Variants in MARCHF1 observed in about 807,000 individuals in gnomAD.
The protein encoded by MARCHF1 is E3 ubiquitin-protein ligase MARCHF1.
In MARCHF1, 40 loss-of-function variants were observed where a neutral mutation model predicts 54.2. That is an observed-to-expected ratio of 0.74 (90% CI 0.57 to 0.96). MARCHF1 has a LOEUF of 0.96. MARCHF1 is among the 40% of genes least tolerant of loss of function. MARCHF1 has a pLI of 0.00. For synonymous variants in MARCHF1, 236 were observed against 236.3 expected, an observed-to-expected ratio of 1.00 and a Z score of 0.01; for missense variants, 586 against 656.5, an observed-to-expected ratio of 0.89 and a Z score of 1.17.
At chr4:164,380,883 T>G (rs1047851072) in intron 1 of MARCHF1, among the ~76,000 whole-genome samples, 10 of 152,210 alleles carry the variant, frequency 6.6e-5, no homozygotes, top group Non-Finnish European at 1.3e-4. Flanking sequence ...AGCTAGAATT[T>G]GAATTACACC....
At chr4:163,733,235 ATATATACACGTG>A (rs1745925924) in intron 4 of MARCHF1, among the ~76,000 whole-genome samples, 1 of 73,196 alleles carries the variant, frequency 1.4e-5, no homozygotes, top group African/African-American at 4.5e-5. Context: ...GTGTATATAT[ATATATACACGTG>A]TATATATATA....
chr4:163,562,071 C>T (rs1443468072), intron 8 of MARCHF1, among the ~76,000 whole-genome samples: 2 of 152,124 alleles, frequency 1.3e-5, no homozygotes, highest in South Asian at 2.1e-4. Flanking sequence ...CCGAGGTGGG[C>T]AGATCACCTG....
chr4:164,196,063 G>C (rs1302246178), intron 1 of MARCHF1, among the ~76,000 whole-genome samples: 2 of 152,092 alleles, frequency 1.3e-5, no homozygotes, highest in African/African-American at 2.4e-5. Context: ...TTATTGATGA[G>C]AGCATTTAAT....
At chr4:164,091,421 T>TATAC (rs1755298993) in intron 2 of MARCHF1, among the ~76,000 whole-genome samples, 1 of 146,080 alleles carries the variant, frequency 6.8e-6, no homozygotes, top group Non-Finnish European at 1.5e-5. Context: ...TATATATATA[T>TATAC]ATATATATGT....
At chr4:164,189,747 C>T in intron 1 of MARCHF1, 1 of 1,244,950 alleles carries the variant, frequency 8.0e-7, no homozygotes, top group Non-Finnish European at 1.2e-6. Flanking sequence ...TGATAATCAA[C>T]CAACTGTCAT....
intron 5 of MARCHF1, among the ~76,000 whole-genome samples, chr4:163,647,765 T>C (rs1466962839): frequency 1.3e-5 from 2 of 151,832 alleles, no homozygotes. Context: ...AAAGCAGTTC[T>C]GTGACAAAAG....
At chr4:163,799,640 C>G (rs1235016769) in intron 4 of MARCHF1, among the ~76,000 whole-genome samples, 1 of 152,040 alleles carries the variant, frequency 6.6e-6, no homozygotes, top group Non-Finnish European at 1.5e-5. Flanking sequence ...CATACAATAT[C>G]TTTATAGGGC....
intron 1 of MARCHF1, among the ~76,000 whole-genome samples, chr4:164,359,905 G>A (rs1364614948): frequency 6.6e-6 from 1 of 152,050 alleles, no homozygotes; most frequent in African/African-American, 2.4e-5. Flanking sequence ...GTTCTAAAGG[G>A]GACTGTGATT....
At chr4:164,069,015 C>T (rs1242625687) in intron 2 of MARCHF1, among the ~76,000 whole-genome samples, 1 of 151,760 alleles carries the variant, frequency 6.6e-6, no homozygotes, top group Admixed American at 6.6e-5. Flanking sequence ...TTGTGTCTAG[C>T]TAAGGGATTG....
chr4:163,611,027 C>T (rs1741322455), intron 7 of MARCHF1, among the ~76,000 whole-genome samples: 1 of 151,970 alleles, frequency 6.6e-6, no homozygotes, highest in Admixed American at 6.6e-5. Flanking sequence ...GTCTCATCTC[C>T]CACAATAGGT....
chr4:163,666,568 T>C (rs1358204119), intron 5 of MARCHF1, among the ~76,000 whole-genome samples: 3 of 152,152 alleles, frequency 2.0e-5, no homozygotes, highest in East Asian at 1.9e-4. Context: ...TAAATAGCAA[T>C]AGCTCATCCT....
chr4:163,588,520 A>G (rs1740482308), intron 7 of MARCHF1, among the ~76,000 whole-genome samples: 1 of 152,226 alleles, frequency 6.6e-6, no homozygotes, highest in Admixed American at 6.5e-5. Flanking sequence ...TGGAGCCACT[A>G]AAATCTAATA....
chr4:164,320,818 G>T (rs111748249), intron 1 of MARCHF1, among the ~76,000 whole-genome samples: 36 of 151,438 alleles, frequency 2.4e-4, no homozygotes, highest in African/African-American at 8.0e-4. Context: ...GGGCTGGGGG[G>T]TTGTAGGTTG....
At chr4:164,224,864 C>T (rs78618608) in intron 1 of MARCHF1, among the ~76,000 whole-genome samples, 12 of 151,918 alleles carry the variant, frequency 7.9e-5, no homozygotes, top group East Asian at 3.9e-4. Context: ...AAGAGAAACA[C>T]GCTTTGATGC....
At chr4:163,578,689 A>G (rs1365084575) in intron 8 of MARCHF1, among the ~76,000 whole-genome samples, 4 of 152,148 alleles carry the variant, frequency 2.6e-5, no homozygotes, top group African/African-American at 9.7e-5. Flanking sequence ...TACAAAGACC[A>G]AGCACATGAT....
intron 4 of MARCHF1, among the ~76,000 whole-genome samples, chr4:163,765,443 A>G (rs921463611): frequency 6.6e-6 from 1 of 152,122 alleles, no homozygotes; most frequent in African/African-American, 2.4e-5. Flanking sequence ...CCACCAACCA[A>G]TACTCTTATC....
chr4:163,548,689 G>C (rs1279223407), intron 8 of MARCHF1, among the ~76,000 whole-genome samples: 1 of 152,174 alleles, frequency 6.6e-6, no homozygotes, highest in African/African-American at 2.4e-5. Context: ...TCTTCCTAAC[G>C]ACTACATTAC....
intron 1 of MARCHF1, among the ~76,000 whole-genome samples, chr4:164,344,382 TA>T (rs1409004765): frequency 6.6e-6 from 1 of 152,064 alleles, no homozygotes; most frequent in African/African-American, 2.4e-5. Flanking sequence ...AAATAAAAGT[TA>T]AAAAATAAGT....
chr4:164,108,558 A>G (rs941032784), intron 2 of MARCHF1, among the ~76,000 whole-genome samples: 10 of 152,062 alleles, frequency 6.6e-5, no homozygotes, highest in Non-Finnish European at 1.5e-4. Flanking sequence ...ATATAAATGA[A>G]TTTTCTCCAC....
Sources: gnomAD v4.1 joint callset for allele counts (sites outside exome capture counted in the v4.1 genomes callset) on GRCh38, gnomAD v4.1.1 for gene constraint, MANE v1.5 for transcripts, NCBI Gene and HGNC (gene_info 2026-07-23, HGNC 2026-07-21) for gene names.